Variants in PIGU observed in about 807,000 individuals in gnomAD.
PIGU encodes the protein GPI-anchor transamidase component PIGU.
In PIGU, 24 loss-of-function variants were observed where a neutral mutation model predicts 49.9. The ratio of observed to expected loss-of-function variants is 0.48; its 90% CI spans 0.35 to 0.68. The LOEUF (loss-of-function observed/expected upper bound fraction) is 0.68, where lower values mean the gene tolerates loss of function less well. Ranked by LOEUF, PIGU falls within the 30% of genes least tolerant of loss-of-function variation. The pLI is 0.01. For synonymous variants in PIGU, 220 were observed against 205.7 expected, an observed-to-expected ratio of 1.07 and a Z score of -0.59; for missense variants, 490 against 532.6, an observed-to-expected ratio of 0.92 and a Z score of 0.79.
intron 1 of PIGU, among the ~76,000 whole-genome samples, chr20:34,673,413 T>G (rs1400069013): frequency 6.6e-6 from 1 of 152,180 alleles, no homozygotes. Flanking sequence ...TTACAGATGT[T>G]GTACCTTCCC....
At chr20:34,589,226 G>C (rs1983845529) in intron 7 of PIGU, among the ~76,000 whole-genome samples, 1 of 152,056 alleles carries the variant, frequency 6.6e-6, no homozygotes, top group Admixed American at 6.6e-5. Flanking sequence ...GGGAACCAGA[G>C]AGGAAAATAT....
chr20:34,568,942 G>A (rs1438020866), intron 11 of PIGU, among the ~76,000 whole-genome samples: 3 of 152,174 alleles, frequency 2.0e-5, no homozygotes, highest in Admixed American at 6.5e-5. Context: ...AGGTGCGGCA[G>A]CTGACACCTG....
intron 1 of PIGU, among the ~76,000 whole-genome samples, chr20:34,675,868 A>C (rs886222174): frequency 6.6e-6 from 1 of 152,066 alleles, no homozygotes; most frequent in Non-Finnish European, 1.5e-5. Context: ...AAACAAAAAC[A>C]AAAAAACTTT....
intron 10 of PIGU, chr20:34,579,290 C>T (rs1983363122): frequency 6.6e-6 from 1 of 152,162 alleles, no homozygotes; most frequent in Non-Finnish European, 1.5e-5. Flanking sequence ...CAGGCTGTTC[C>T]CTAACACCAC....
chr20:34,574,319 T>C (rs1298067715), intron 11 of PIGU, among the ~76,000 whole-genome samples: 2 of 152,090 alleles, frequency 1.3e-5, no homozygotes, highest in Non-Finnish European at 2.9e-5. Flanking sequence ...TTTCTGGGAG[T>C]GGGATCAGAG....
intron 10 of PIGU, among the ~76,000 whole-genome samples, chr20:34,581,148 G>T (rs920504682): frequency 6.6e-6 from 1 of 152,188 alleles, no homozygotes; most frequent in African/African-American, 2.4e-5. Flanking sequence ...CACTGGGTAG[G>T]GGTTCACAGA....
intron 7 of PIGU, among the ~76,000 whole-genome samples, chr20:34,611,462 T>C (rs1040263031): frequency 2.0e-5 from 3 of 151,622 alleles, no homozygotes; most frequent in African/African-American, 4.8e-5. Context: ...CTGGCTAACA[T>C]GGTGAAACCC....
chr20:34,599,520 TAG>T (rs1357806345), intron 7 of PIGU, among the ~76,000 whole-genome samples: 2 of 152,132 alleles, frequency 1.3e-5, no homozygotes, highest in Non-Finnish European at 2.9e-5. Context: ...GATCAAACTA[TAG>T]AGAGTGCTGC....
At chr20:34,676,339 T>C (rs1987496605) in intron 1 of PIGU, among the ~76,000 whole-genome samples, 1 of 152,190 alleles carries the variant, frequency 6.6e-6, no homozygotes, top group Admixed American at 6.5e-5. Flanking sequence ...ATTATAACGA[T>C]TTGTCTCCCT....
chr20:34,593,463 T>C (rs1355263777), intron 7 of PIGU, among the ~76,000 whole-genome samples: 1 of 152,152 alleles, frequency 6.6e-6, no homozygotes, highest in African/African-American at 2.4e-5. Context: ...ACTAGCCTTA[T>C]CAGACACTGA....
intron 11 of PIGU, chr20:34,562,414 T>A (rs1434932145): frequency 7.8e-7 from 1 of 1,286,502 alleles, no homozygotes; most frequent in Non-Finnish European, 1.0e-6. Context: ...CCAGACCCTG[T>A]CCTGGGCAGC....
intron 6 of PIGU, among the ~76,000 whole-genome samples, chr20:34,633,726 C>A (rs963371586): frequency 2.0e-5 from 3 of 152,112 alleles, no homozygotes; most frequent in Non-Finnish European, 4.4e-5. Context: ...CACCACCACA[C>A]CCGGCTAATT....
In PIGU at chr20:34,674,417, T is replaced by G. The variant is rs531262271; in HGVS notation, c.130+2539A>C. On this transcript the variant is annotated intron_variant, in intron 1 of 11. Transcript: ENST00000217446. ...GAACTAGAGAAAGAGTCAAACCTTT[T>G]CTGAGATTCCAGACCCTGCACTCTT... Among the ~76,000 whole-genome samples the G allele has an allele frequency of 1.3e-4, 20 of 152,306 alleles. No individual in the cohort carries two copies. The East Asian group carries it at 3.7e-3, about 28-fold the overall frequency.
intron 11 of PIGU, among the ~76,000 whole-genome samples, chr20:34,567,922 TC>T (rs1208883926): frequency 6.6e-6 from 1 of 151,304 alleles, no homozygotes; most frequent in African/African-American, 2.4e-5. Context: ...GAGGCCACCT[TC>T]CCCAGGAAGC....
intron 11 of PIGU, among the ~76,000 whole-genome samples, chr20:34,573,946 C>G (rs780368174): frequency 6.6e-6 from 1 of 152,256 alleles, no homozygotes; most frequent in Non-Finnish European, 1.5e-5. Context: ...CCATCACTCA[C>G]TGAAAAAGCC....
chr20:34,646,900 C>A (rs933052424), intron 2 of PIGU, among the ~76,000 whole-genome samples: 1 of 151,100 alleles, frequency 6.6e-6, no homozygotes, highest in African/African-American at 2.4e-5. Flanking sequence ...TCGCTTGCTG[C>A]AAGATCCTCC....
At chr20:34,605,996 C>G (rs540046639) in intron 7 of PIGU, among the ~76,000 whole-genome samples, 1 of 152,292 alleles carries the variant, frequency 6.6e-6, no homozygotes, top group Non-Finnish European at 1.5e-5. Flanking sequence ...TGGCTCACAC[C>G]TGTAATCCCA....
At chr20:34,567,541 C>T (rs1982823937) in intron 11 of PIGU, among the ~76,000 whole-genome samples, 1 of 152,168 alleles carries the variant, frequency 6.6e-6, no homozygotes, top group African/African-American at 2.4e-5. Flanking sequence ...CCCCTAGCCT[C>T]GTCCCTGGTG....
intron 9 of PIGU, 99 bp from the exon 10 acceptor site, chr20:34,581,771 G>A: frequency 7.0e-7 from 1 of 1,424,490 alleles, no homozygotes. Flanking sequence ...ATAATCCTCA[G>A]GGGACTTCAG....
Sources: gnomAD v4.1 joint callset for allele counts (sites outside exome capture counted in the v4.1 genomes callset) on GRCh38, gnomAD v4.1.1 for gene constraint, MANE v1.5 for transcripts, NCBI Gene and HGNC (gene_info 2026-07-23, HGNC 2026-07-21) for gene names.